Variants in MBP observed in about 807,000 individuals in gnomAD.
MBP encodes myelin basic protein.
In MBP, 16 loss-of-function variants were observed where a neutral mutation model predicts 35.8. That is an observed-to-expected ratio of 0.45 (90% CI 0.30 to 0.68). The LOEUF is 0.68. MBP is among the 30% of genes least tolerant of loss of function. The pLI is 0.08. For missense variants in MBP, 380 were observed against 404.7 expected (o/e 0.94, Z 0.52); for synonymous variants, 143 against 159.6 (o/e 0.90, Z 0.78).
In MBP at chr18:77,005,070, G is replaced by A. The variant is rs984976660; in HGVS notation, c.576+11762C>T. ...AGAAGGATACAACAAATCAAAGTTCGGCAGCCTGTGCTTCTGCCATTAAGT... is the reference window on the plus strand; with the variant it reads ...AGAAGGATACAACAAATCAAAGTTCAGCAGCCTGTGCTTCTGCCATTAAGT... On this transcript the variant is annotated intron_variant, in intron 4 of 8. Coordinates refer to ENST00000355994, the MANE Select transcript of MBP (RefSeq NM_001025101.2). 7 of 152,298 alleles carry A rather than the reference G, an allele frequency of 4.6e-5. No individual in the cohort carries two copies. The East Asian group carries it at 1.2e-3, about 25-fold the overall frequency. The allele number at this position is 152,298 out of a possible 1,614,324, so 9.4% of individuals were successfully genotyped here.
chr18:77,109,547 T>C (rs907881854), intron 1 of MBP: 1 of 152,258 alleles, frequency 6.6e-6, no homozygotes, highest in Non-Finnish European at 1.5e-5. Flanking sequence ...TTACAAGCAA[T>C]GGGATTATTG....
intron 1 of MBP, among the ~76,000 whole-genome samples, chr18:77,126,593 C>T (rs910827685): frequency 3.9e-5 from 6 of 152,104 alleles, no homozygotes; most frequent in Non-Finnish European, 7.4e-5. Flanking sequence ...AGAAATAAAA[C>T]TATCCAATTT....
chr18:76,999,341 C>G (rs1470151305), intron 4 of MBP, among the ~76,000 whole-genome samples: 1 of 152,188 alleles, frequency 6.6e-6, no homozygotes, highest in Non-Finnish European at 1.5e-5. Context: ...TCAACCCCAT[C>G]AGAAGCTCTG....
At chr18:77,067,652 G>A (rs1335104235) in intron 2 of MBP, among the ~76,000 whole-genome samples, 3 of 152,178 alleles carry the variant, frequency 2.0e-5, no homozygotes, top group Non-Finnish European at 1.5e-5. Context: ...GCTGGCCCTG[G>A]TGCTACCCAC....
chr18:77,021,371 T>A (rs1971978835), intron 3 of MBP, among the ~76,000 whole-genome samples: 1 of 152,198 alleles, frequency 6.6e-6, no homozygotes, highest in South Asian at 2.1e-4. Flanking sequence ...AAAATGCAAT[T>A]TCCTCTTGCA....
chr18:77,084,420 G>A (rs865984357), intron 2 of MBP, among the ~76,000 whole-genome samples: 3 of 29,328 alleles, frequency 1.0e-4, no homozygotes, highest in African/African-American at 2.0e-4. Context: ...CGCCCCCCCC[G>A]CCACACCACA....
chr18:77,051,872 T>C (rs564557629), intron 3 of MBP, among the ~76,000 whole-genome samples: 12 of 152,316 alleles, frequency 7.9e-5, no homozygotes, highest in African/African-American at 2.4e-4. Context: ...TAACACCTTG[T>C]TTCTTCAAAT....
intron 3 of MBP, among the ~76,000 whole-genome samples, chr18:77,028,058 T>A (rs967650068): frequency 6.7e-6 from 1 of 149,608 alleles, no homozygotes; most frequent in Non-Finnish European, 1.5e-5. Context: ...GGCAGGGTCA[T>A]AGGACAATAG....
intron 3 of MBP, among the ~76,000 whole-genome samples, chr18:77,021,967 C>A (rs1282560806): frequency 3.9e-5 from 6 of 152,114 alleles, no homozygotes; most frequent in Admixed American, 3.9e-4. Context: ...GGGAGGGCAC[C>A]AGTTCTGGGG....
chr18:77,073,441 C>T lies in MBP; in HGVS notation c.52-7056G>A, dbSNP rs1227617035. On this transcript the variant is annotated intron_variant, in intron 2 of 8. Coordinates refer to ENST00000355994, the MANE Select transcript of MBP (RefSeq NM_001025101.2). ...CAGTAGCAACATTTCACCATTTTGA[C>T]ATGAGTTCCCTAATACCCAGTTCAC... Among the ~76,000 whole-genome samples, 3 of 152,192 alleles carry T rather than the reference C, an allele frequency of 2.0e-5. No homozygotes were observed. In the East Asian group the frequency reaches 5.8e-4, roughly 29 times the overall value.
At chr18:77,052,801 C>T (rs964020380) in intron 3 of MBP, among the ~76,000 whole-genome samples, 7 of 152,164 alleles carry the variant, frequency 4.6e-5, no homozygotes, top group East Asian at 3.9e-4. Context: ...CCAGCAACAC[C>T]GGGCCTGAGT....
chr18:77,008,605 C>T (rs368112616), intron 4 of MBP, among the ~76,000 whole-genome samples: 1 of 152,204 alleles, frequency 6.6e-6, no homozygotes, highest in East Asian at 1.9e-4. Flanking sequence ...CCCACGACCA[C>T]CTTGGGGCTC....
chr18:77,039,326 A>G (rs1342651280), intron 3 of MBP, among the ~76,000 whole-genome samples: 1 of 152,212 alleles, frequency 6.6e-6, no homozygotes, highest in Admixed American at 6.5e-5. Flanking sequence ...GATGGGATAG[A>G]GTGCTGACAG....
intron 4 of MBP, 193 bp downstream of exon 4, chr18:77,016,639 A>G: frequency 7.0e-7 from 1 of 1,418,766 alleles, no homozygotes; most frequent in Non-Finnish European, 9.2e-7. Flanking sequence ...AGAGGGGGTG[A>G]GTTAAACGAA....
At chr18:76,995,083 AATT>A (rs2123209038) in intron 4 of MBP, among the ~76,000 whole-genome samples, 1 of 152,378 alleles carries the variant, frequency 6.6e-6, no homozygotes, top group East Asian at 1.9e-4. Context: ...AAACATTAAA[AATT>A]ATTACATATA....
At chr18:77,016,771 T>C (rs777449273) in intron 4 of MBP, 61 bp downstream of exon 4, 1 of 1,586,164 alleles carries the variant, frequency 6.3e-7, no homozygotes, top group South Asian at 1.1e-5. Flanking sequence ...TGAGTTCACC[T>C]ACTGATTTCT....
Position 77,061,381 on chromosome 18 carries a change from T to C in MBP, c.139+4917A>G, listed in dbSNP as rs145823277. Among the ~76,000 whole-genome samples, 708 of 152,370 alleles carry C rather than the reference T, an allele frequency of 4.6e-3. 4 individuals are homozygous for C. The highest frequency in any genetic ancestry group is 6.8e-3 in the Middle Eastern group (2 of 294). On this transcript the variant is annotated intron_variant, in intron 3 of 8. Coordinates refer to ENST00000355994, the MANE Select transcript of MBP (RefSeq NM_001025101.2). Reference sequence around the variant, plus strand: ...TCTGCAGTCTTCTCTCTGAAAATACTAGCCAATGTTTACTGAGTACTGTGA... The same window carrying C: ...TCTGCAGTCTTCTCTCTGAAAATACCAGCCAATGTTTACTGAGTACTGTGA...
At chr18:77,128,714 C>T (rs1977140982) in intron 1 of MBP, among the ~76,000 whole-genome samples, 1 of 152,212 alleles carries the variant, frequency 6.6e-6, no homozygotes, top group Admixed American at 6.5e-5. Context: ...TGTGAATCTA[C>T]ATGATCTCAA....
intron 4 of MBP, among the ~76,000 whole-genome samples, chr18:77,008,606 C>T (rs936625171): frequency 1.3e-5 from 2 of 152,212 alleles, no homozygotes; most frequent in Non-Finnish European, 2.9e-5. Flanking sequence ...CCACGACCAC[C>T]TTGGGGCTCT....
Sources: allele counts gnomAD v4.1 joint callset (sites outside exome capture counted in the v4.1 genomes callset), GRCh38; gene constraint gnomAD v4.1.1; transcripts MANE v1.5; gene names NCBI Gene and HGNC (gene_info 2026-07-23, HGNC 2026-07-21).